THADA: variants seen among roughly 807,000 people sequenced by gnomAD.
THADA encodes the protein tRNA (32-2'-O)-methyltransferase regulator THADA.
THADA carries 213 observed loss-of-function variants against 219.8 expected under a neutral mutation model. That is an observed-to-expected ratio of 0.97 (90% CI 0.87 to 1.09). The LOEUF is 1.09. THADA is among the 50% of genes least tolerant of loss of function. The pLI, the probability that THADA is intolerant of heterozygous loss-of-function variation, is 0.00. For synonymous variants in THADA, 1,018 were observed against 828.9 expected (o/e 1.23, Z -3.92); for missense variants, 2,956 against 2,311.3 (o/e 1.28, Z -5.72).
intron 29 of THADA, among the ~76,000 whole-genome samples, chr2:43,374,364 G>A (rs909724391): frequency 6.6e-6 from 1 of 152,146 alleles, no homozygotes; most frequent in African/African-American, 2.4e-5. Context: ...AGCTATATGA[G>A]CCTCAGTTTC....
At chr2:43,328,675 G>C (rs768898966) in intron 30 of THADA, among the ~76,000 whole-genome samples, 2 of 152,168 alleles carry the variant, frequency 1.3e-5, no homozygotes, top group Non-Finnish European at 2.9e-5. Context: ...TGGATCCTGG[G>C]GAATGTAATC....
chr2:43,338,426 C>T (rs191735396), intron 30 of THADA, among the ~76,000 whole-genome samples: 15 of 151,936 alleles, frequency 9.9e-5, no homozygotes, highest in African/African-American at 2.7e-4. Flanking sequence ...CAAAGTGCTG[C>T]GATAACAGCT....
chr2:43,454,406 G>T (rs554805532), intron 26 of THADA, among the ~76,000 whole-genome samples: 1 of 152,150 alleles, frequency 6.6e-6, no homozygotes, highest in African/African-American at 2.4e-5. Flanking sequence ...TTCAAGACCA[G>T]CCTGGGCAAC....
At chr2:43,237,128 A>G (rs1195896991) in intron 36 of THADA, among the ~76,000 whole-genome samples, 3 of 151,820 alleles carry the variant, frequency 2.0e-5, no homozygotes, top group African/African-American at 7.3e-5. Context: ...GCATAAGGAT[A>G]GACATATAGA....
intron 29 of THADA, among the ~76,000 whole-genome samples, chr2:43,385,961 G>A (rs973735094): frequency 6.6e-6 from 1 of 151,098 alleles, no homozygotes; most frequent in Admixed American, 6.6e-5. Context: ...CCCCTCACCA[G>A]AAATTTTACT....
intron 28 of THADA, among the ~76,000 whole-genome samples, chr2:43,408,018 T>G (rs1156904477): frequency 6.6e-6 from 1 of 152,212 alleles, no homozygotes; most frequent in African/African-American, 2.4e-5. Context: ...GTCTCATACA[T>G]AAGGAATTGG....
rs1453089310 is a variant in THADA, at chr2:43,438,322, A to C, written c.3837-8020T>G. ...CTCAAAAAAAAAAAAAAAAAAACCC[A>C]AACTATGCCAAGAGACTATTTTATA... is the stretch of plus-strand genomic sequence containing the variant. On this transcript the variant is annotated intron_variant, in intron 26 of 37. Coordinates refer to ENST00000405975, the MANE Select transcript of THADA (RefSeq NM_022065.5). 2.8e-5 allele frequency among the ~76,000 whole-genome samples: 4 copies of C among 142,954 alleles called. No individual in the cohort carries two copies. The East Asian group carries it at 8.6e-4, about 31-fold the overall frequency. The allele number at this position is 142,954 out of a possible 152,430, so 93.8% of individuals were successfully genotyped here.
At chr2:43,231,411 G>C in intron 37 of THADA, 68 bp from the exon 38 acceptor site, 1 of 1,430,360 alleles carries the variant, frequency 7.0e-7, no homozygotes, top group South Asian at 1.6e-5. Flanking sequence ...TCCAGACCAA[G>C]CAGTACCCTG....
intron 36 of THADA, among the ~76,000 whole-genome samples, chr2:43,244,164 A>T (rs1390324982): frequency 6.6e-6 from 1 of 152,242 alleles, no homozygotes; most frequent in African/African-American, 2.4e-5. Flanking sequence ...GACACAGCCA[A>T]TATGAATGAA....
intron 36 of THADA, among the ~76,000 whole-genome samples, chr2:43,241,236 A>G (rs916009830): frequency 1.3e-5 from 2 of 151,864 alleles, no homozygotes; most frequent in African/African-American, 4.8e-5. Context: ...CTACAGGCAC[A>G]AACTACCATG....
chr2:43,591,190 G>A (rs1286423506), intron 3 of THADA, among the ~76,000 whole-genome samples: 7 of 152,078 alleles, frequency 4.6e-5, no homozygotes, highest in Admixed American at 4.6e-4. Context: ...CAGGCATGGT[G>A]GCACATGCCT....
chr2:43,431,456 T>C (rs1198099810), intron 26 of THADA, among the ~76,000 whole-genome samples: 2 of 152,060 alleles, frequency 1.3e-5, no homozygotes, highest in African/African-American at 2.4e-5. Context: ...ATAAATGTAA[T>C]AATACATTTT....
intron 21 of THADA, among the ~76,000 whole-genome samples, chr2:43,531,383 A>G (rs560154886): frequency 9.8e-5 from 15 of 152,348 alleles, no homozygotes; most frequent in Non-Finnish European, 1.5e-4. Context: ...AGGTCTTTTC[A>G]TATCAATGAA....
intron 26 of THADA, among the ~76,000 whole-genome samples, chr2:43,471,407 G>A (rs1209889365): frequency 6.6e-6 from 1 of 152,038 alleles, no homozygotes; most frequent in Non-Finnish European, 1.5e-5. Flanking sequence ...CACATCTGTA[G>A]TCCCAGTTAC....
At chr2:43,377,143 C>T (rs189055674) in intron 29 of THADA, among the ~76,000 whole-genome samples, 39 of 152,296 alleles carry the variant, frequency 2.6e-4, no homozygotes, top group African/African-American at 8.2e-4. Flanking sequence ...ATAGCATCTC[C>T]TCTGAGCTAC....
intron 29 of THADA, among the ~76,000 whole-genome samples, chr2:43,383,844 CGTT>C (rs1399387834): frequency 6.6e-6 from 1 of 152,098 alleles, no homozygotes; most frequent in Non-Finnish European, 1.5e-5. Flanking sequence ...AAGTGAAAAA[CGTT>C]GTCAATTCTT....
At chr2:43,429,576 T>A (rs539013797) in intron 27 of THADA, among the ~76,000 whole-genome samples, 1 of 152,072 alleles carries the variant, frequency 6.6e-6, no homozygotes, top group Non-Finnish European at 1.5e-5. Context: ...CAATGGTAAG[T>A]TGCAACAAGC....
At chr2:43,511,648 T>C (rs113536131) in intron 22 of THADA, among the ~76,000 whole-genome samples, 1 of 81,924 alleles carries the variant, frequency 1.2e-5, no homozygotes, top group Non-Finnish European at 2.7e-5. Flanking sequence ...CATACTAACA[T>C]ACAACACACA....
At chr2:43,395,092 G>A (rs1216244108) in intron 29 of THADA, among the ~76,000 whole-genome samples, 1 of 152,208 alleles carries the variant, frequency 6.6e-6, no homozygotes, top group Non-Finnish European at 1.5e-5. Flanking sequence ...GCACGTGTGG[G>A]AAACAAGGCT....
Sources: allele counts gnomAD v4.1 joint callset (sites outside exome capture counted in the v4.1 genomes callset), GRCh38; gene constraint gnomAD v4.1.1; transcripts MANE v1.5; gene names NCBI Gene and HGNC (gene_info 2026-07-23, HGNC 2026-07-21).